The following PGM5 variants were observed in gnomAD, a reference collection of about 807,000 sequenced individuals.
PGM5 encodes phosphoglucomutase-like protein 5.
Under a neutral mutation model 59.2 loss-of-function variants are expected in PGM5, and 23 were observed. That is an observed-to-expected ratio of 0.39 (90% CI 0.28 to 0.55). The LOEUF (loss-of-function observed/expected upper bound fraction) is 0.55, where lower values mean the gene tolerates loss of function less well. Ranked by LOEUF, PGM5 falls within the 20% of genes least tolerant of loss-of-function variation. The pLI is 0.66. For missense variants in PGM5, 574 were observed against 748.3 expected (o/e 0.77, Z 2.72); for synonymous variants, 214 against 286.0 (o/e 0.75, Z 2.54).
intron 6 of PGM5, among the ~76,000 whole-genome samples, chr9:68,441,244 G>GA (rs1464011285): frequency 9.9e-5 from 15 of 151,806 alleles, no homozygotes; most frequent in Non-Finnish European, 2.2e-4. Flanking sequence ...ATATCTTCCA[G>GA]AAAAAGGAAG....
intron 7 of PGM5, among the ~76,000 whole-genome samples, chr9:68,477,481 T>C (rs1446517568): frequency 1.3e-5 from 2 of 152,240 alleles, no homozygotes; most frequent in Admixed American, 6.5e-5. Context: ...TGCGTCTCCC[T>C]TGTTGGTTTT....
chr9:68,503,927 G>A (rs1824617293), intron 10 of PGM5, among the ~76,000 whole-genome samples: 1 of 152,118 alleles, frequency 6.6e-6, no homozygotes, highest in Non-Finnish European at 1.5e-5. Context: ...AATCACCTTG[G>A]GAATGTGTTA....
chr9:68,415,816 T>TGTC (rs1419570921), intron 6 of PGM5, among the ~76,000 whole-genome samples: 1 of 54,716 alleles, frequency 1.8e-5, no homozygotes, highest in African/African-American at 4.9e-5. Flanking sequence ...TCTATCTATC[T>TGTC]TATCTATCTA....
At position 68,357,087 on chromosome 9, in the gene PGM5, T is replaced by C. The variant is rs1337764382; in HGVS notation, c.-41T>C. On this transcript the variant is annotated 5_prime_UTR_variant, in exon 1 of 11. Coordinates refer to ENST00000396396, the MANE Select transcript of PGM5 (RefSeq NM_021965.4). ...GGCCCCCGGCAGGCTGCAGATTCCC[T>C]CCGGCTCCGGGAGCCGCAGCAGGAC... 2.6e-5 allele frequency: 38 copies of C among 1,443,168 alleles called. No individual in the cohort carries two copies. The highest frequency in any genetic ancestry group is 3.4e-5 in the Non-Finnish European group (38 of 1,104,472). 89.4% of individuals were successfully genotyped at this position (1,443,168 alleles called of 1,614,324 possible).
chr9:68,502,690 T>G (rs1824597238), intron 10 of PGM5, among the ~76,000 whole-genome samples: 1 of 152,128 alleles, frequency 6.6e-6, no homozygotes, highest in Admixed American at 6.5e-5. Flanking sequence ...TGTTTGTTTG[T>G]TTGTTTGTTT....
At chr9:68,406,142 A>G (rs1554681118) in intron 6 of PGM5, 1 of 152,160 alleles carries the variant, frequency 6.6e-6, no homozygotes, top group Non-Finnish European at 1.5e-5. Context: ...TGGCCTCTGC[A>G]TTCAGACTAC....
At chr9:68,403,637 G>T (rs1324020682) in intron 6 of PGM5, among the ~76,000 whole-genome samples, 3 of 152,192 alleles carry the variant, frequency 2.0e-5, no homozygotes, top group Non-Finnish European at 4.4e-5. Flanking sequence ...ATTGCCCAAG[G>T]TCACACAGAA....
chr9:68,479,351 T>G (rs1376101734), intron 7 of PGM5, 67 bp from the exon 8 acceptor site: 3 of 1,481,194 alleles, frequency 2.0e-6, no homozygotes, highest in African/African-American at 2.8e-5. Flanking sequence ...CTGGTCTTCT[T>G]AATTCATTTA....
At position 68,526,303 on chromosome 9, in the gene PGM5, G is replaced by A. The variant is rs745820720; in HGVS notation, c.1615-3264G>A. 5.3e-5 allele frequency among the ~76,000 whole-genome samples: 8 copies of A among 152,270 alleles called. 1 individual carries two copies. The highest frequency in any genetic ancestry group is 3.9e-4 in the East Asian group (2 of 5,180). ...CAGATGACTCCATGGCATCTGTGCC[G>A]GATTAGCCCAGGCTCTTGGCTCAGG... On this transcript the variant is annotated intron_variant, in intron 10 of 10. Coordinates refer to ENST00000396396, the MANE Select transcript of PGM5 (RefSeq NM_021965.4).
intron 6 of PGM5, among the ~76,000 whole-genome samples, chr9:68,443,846 G>A (rs1388306629): frequency 2.6e-5 from 4 of 152,206 alleles, no homozygotes; most frequent in African/African-American, 9.7e-5. Context: ...AAGTAATGGA[G>A]CCCTGCTCCT....
intron 1 of PGM5, among the ~76,000 whole-genome samples, chr9:68,375,106 A>G (rs1439332032): frequency 6.6e-6 from 1 of 152,186 alleles, no homozygotes; most frequent in African/African-American, 2.4e-5. Context: ...CCCTCTTCAC[A>G]GGGCTTCTTG....
chr9:68,374,208 A>T (rs1821816417), intron 1 of PGM5, among the ~76,000 whole-genome samples: 2 of 152,330 alleles, frequency 1.3e-5, no homozygotes, highest in South Asian at 4.1e-4. Flanking sequence ...AACAAAAGCT[A>T]CAAACATTTT....
At chr9:68,375,932 G>T (rs541965410) in intron 1 of PGM5, among the ~76,000 whole-genome samples, 24 of 152,242 alleles carry the variant, frequency 1.6e-4, no homozygotes, top group Non-Finnish European at 3.1e-4. Flanking sequence ...GGGCCCTGAG[G>T]CCGGATCATG....
At chr9:68,389,544 G>A (rs1276953833) in intron 4 of PGM5, among the ~76,000 whole-genome samples, 1 of 152,002 alleles carries the variant, frequency 6.6e-6, no homozygotes, top group African/African-American at 2.4e-5. Context: ...TAATAATTTC[G>A]ATATACATTC....
At position 68,378,263 on chromosome 9, in the gene PGM5, G is replaced by A. The variant is rs1554678011; in HGVS notation, c.326G>A (p.Arg109Lys). 1.2e-6 allele frequency: 2 copies of A among 1,603,878 alleles called. No homozygotes were observed. Among genetic ancestry groups the A allele is most frequent in the South Asian group, 2.2e-5 (2 of 90,322 alleles). Reference sequence around the variant, plus strand: ...ACACCTGCGGTCTCCTGCATTATCAGGAAGATCAAGGCAGCTGGTGGAATC... The same window carrying A: ...ACACCTGCGGTCTCCTGCATTATCAAGAAGATCAAGGCAGCTGGTGGAATC... ...LSTPAVSCII[R>K]KIKAAGGIIL... The change falls in exon 2 of 11, where the codon AGG becomes AAG. Residue 109 changes from arginine to lysine, a missense_variant. Transcript: ENST00000396396.
chr9:68,419,100 A>G (rs1365759616), intron 6 of PGM5, among the ~76,000 whole-genome samples: 1 of 152,216 alleles, frequency 6.6e-6, no homozygotes, highest in Non-Finnish European at 1.5e-5. Flanking sequence ...GATCAAAGAA[A>G]TCTGGTGAAA....
At chr9:68,468,575 G>A (rs190462722) in intron 7 of PGM5, among the ~76,000 whole-genome samples, 1 of 152,222 alleles carries the variant, frequency 6.6e-6, no homozygotes, top group East Asian at 1.9e-4. Context: ...AGAGTACCAG[G>A]CATTGTGTTG....
intron 6 of PGM5, among the ~76,000 whole-genome samples, chr9:68,460,171 G>A (rs1823837025): frequency 6.6e-6 from 1 of 152,142 alleles, no homozygotes; most frequent in South Asian, 2.1e-4. Context: ...TGATCAGTCT[G>A]TGTTTTTTTG....
In PGM5 at chr9:68,448,655, C is replaced by T. The variant is rs564590093; in HGVS notation, c.1044-16438C>T. Among the ~76,000 whole-genome samples, 35 of 152,266 alleles carry T rather than the reference C, an allele frequency of 2.3e-4. No individual in the cohort carries two copies. The South Asian group carries it at 3.9e-3, about 17-fold the overall frequency. On this transcript the variant is annotated intron_variant, in intron 6 of 10. Transcript: ENST00000396396. ...CCTGAGTTTTTGATAATCCTTCTTA[C>T]GCCCATTGGAATATAGTCCAGAGAT... is the stretch of plus-strand genomic sequence containing the variant.
Sources: allele counts gnomAD v4.1 joint callset (sites outside exome capture counted in the v4.1 genomes callset), GRCh38; gene constraint gnomAD v4.1.1; transcripts MANE v1.5; gene names NCBI Gene and HGNC (gene_info 2026-07-23, HGNC 2026-07-21).